VPS13A: variants seen among roughly 807,000 people sequenced by gnomAD.
VPS13A encodes the protein intermembrane lipid transfer protein VPS13A.
In VPS13A, 264 loss-of-function variants were observed where a neutral mutation model predicts 390.9. The observed-to-expected ratio is 0.68, with a 90% CI of 0.61 to 0.75. The LOEUF is 0.75. Among genes scored for constraint, VPS13A ranks in the 30% least tolerant of loss-of-function variants. VPS13A has a pLI of 0.00. For missense variants in VPS13A, 3,409 were observed against 3,733.9 expected, an observed-to-expected ratio of 0.91 and a Z score of 2.27; for synonymous variants, 1,231 against 1,227.1, an observed-to-expected ratio of 1.00 and a Z score of -0.07.
chr9:77,384,785 T>C, intron 68 of VPS13A: 1 of 1,507,162 alleles, frequency 6.6e-7, no homozygotes, highest in Non-Finnish European at 8.8e-7. Context: ...GTAAAACACA[T>C]TTTCTTTTAA....
In VPS13A at chr9:77,259,852, A is replaced by G. The variant is rs149033762; in HGVS notation, c.2289-234A>G. Reference sequence around the variant, plus strand: ...TTGATTAGTAGTAATTGTCAATTGTATATAGCAAACAGTAGAAGGACATTA... The same window carrying G: ...TTGATTAGTAGTAATTGTCAATTGTGTATAGCAAACAGTAGAAGGACATTA... On this transcript the variant is annotated intron_variant, in intron 22 of 71. Transcript: ENST00000360280. Among the ~76,000 whole-genome samples the G allele has an allele frequency of 6.0e-3, 910 of 152,342 alleles. 8 individuals are homozygous for G. Among genetic ancestry groups the G allele is most frequent in the African/African-American group, 0.021 (857 of 41,560 alleles).
At chr9:77,237,884 A>C (rs1824246424) in intron 17 of VPS13A, 118 bp from the exon 18 acceptor site, 3 of 716,884 alleles carry the variant, frequency 4.2e-6, no homozygotes, top group Non-Finnish European at 7.2e-6. Flanking sequence ...ATGGGAATGG[A>C]CTGGAGTCAG....
intron 1 of VPS13A, among the ~76,000 whole-genome samples, chr9:77,179,741 A>G (rs1418699569): frequency 6.7e-6 from 1 of 149,830 alleles, no homozygotes; most frequent in Non-Finnish European, 1.5e-5. Context: ...CACTCTTTTA[A>G]AATGTACAAT....
chr9:77,380,567 C>T (rs1587695429), intron 67 of VPS13A, among the ~76,000 whole-genome samples: 1 of 152,206 alleles, frequency 6.6e-6, no homozygotes, highest in East Asian at 1.9e-4. Flanking sequence ...GCCTCGGGCT[C>T]CCAAAGTGCT....
At chr9:77,349,799 A>G (rs1457127064) in intron 52 of VPS13A, among the ~76,000 whole-genome samples, 1 of 152,002 alleles carries the variant, frequency 6.6e-6, no homozygotes, top group African/African-American at 2.4e-5. Context: ...GCGCGCCACT[A>G]TGCCCGGCTA....
At chr9:77,278,222 C>A (rs903972967) in intron 26 of VPS13A, among the ~76,000 whole-genome samples, 1 of 150,212 alleles carries the variant, frequency 6.7e-6, no homozygotes, top group African/African-American at 2.4e-5. Context: ...AGGCGCCCGC[C>A]ACCACGCCCA....
chr9:77,276,310 A>G (rs952047373), intron 26 of VPS13A, 89 bp downstream of exon 26: 40 of 1,218,090 alleles, frequency 3.3e-5, no homozygotes, highest in Non-Finnish European at 4.4e-5. Context: ...GCTCTGAATC[A>G]GTACATTTGC....
chr9:77,394,326 C>G (rs1211254979), intron 68 of VPS13A, among the ~76,000 whole-genome samples: 1 of 152,050 alleles, frequency 6.6e-6, no homozygotes, highest in African/African-American at 2.4e-5. Context: ...CATGGCCTCC[C>G]AAAGTGCTGG....
At chr9:77,308,784 T>C (rs952714595) in intron 35 of VPS13A, among the ~76,000 whole-genome samples, 4 of 152,146 alleles carry the variant, frequency 2.6e-5, no homozygotes, top group African/African-American at 7.2e-5. Context: ...CAGACCTACC[T>C]ACCTCAAAAT....
chr9:77,254,011 C>T (rs1336317228), intron 22 of VPS13A, among the ~76,000 whole-genome samples: 76 of 133,998 alleles, frequency 5.7e-4, no homozygotes, highest in African/African-American at 1.8e-3. Context: ...GGCATGATCT[C>T]GGCTCACTGC....
At chr9:77,213,176 T>C (rs1590008722) in intron 8 of VPS13A, 58 bp from the exon 9 acceptor site, 2 of 1,565,458 alleles carry the variant, frequency 1.3e-6, no homozygotes, top group East Asian at 2.2e-5. Context: ...CTTCTGAAAA[T>C]AGTGTATGAT....
rs57841628 is a variant in VPS13A at position 77,341,691 on chromosome 9, C to CTTTTTTTTTTTTTTTTTTTTTTTT, written c.7026+1147_7026+1170dup. 1.0e-3 allele frequency among the ~76,000 whole-genome samples: 39 copies of CTTTTTTTTTTTTTTTTTTTTTTTT among 37,840 alleles called. 7 individuals are homozygous for CTTTTTTTTTTTTTTTTTTTTTTTT. Among genetic ancestry groups the CTTTTTTTTTTTTTTTTTTTTTTTT allele is most frequent in the Admixed American group, 1.3e-3 (3 of 2,264 alleles). 24.8% of individuals were successfully genotyped at this position (37,840 alleles called of 152,430 possible). On this transcript the variant is annotated intron_variant, in intron 50 of 71. Coordinates refer to ENST00000360280, the MANE Select transcript of VPS13A (RefSeq NM_033305.3). ...AGTAAGTTCTACATGGACATCTTTCCTTTTTTTTTTTTTTTTTTTTTTTTT... is the reference window on the plus strand; with the variant it reads ...AGTAAGTTCTACATGGACATCTTTCCTTTTTTTTTTTTTTTTTTTTTTTTTTTTTTTTTTTTTTTTTTTTTTTTT...
chr9:77,347,677 C>A (rs925081570), intron 52 of VPS13A, among the ~76,000 whole-genome samples: 6 of 152,034 alleles, frequency 3.9e-5, no homozygotes, highest in South Asian at 2.1e-4. Context: ...CTCTATATAT[C>A]TAGTCTTATC....
chr9:77,194,740 G>A (rs1393227302), intron 1 of VPS13A, among the ~76,000 whole-genome samples: 1 of 152,106 alleles, frequency 6.6e-6, no homozygotes, highest in Non-Finnish European at 1.5e-5. Context: ...GGAGCTCCCT[G>A]TAAGGTTCCC....
intron 67 of VPS13A, 51 bp downstream of exon 67, chr9:77,371,200 A>G: frequency 6.2e-7 from 1 of 1,611,424 alleles, no homozygotes; most frequent in Non-Finnish European, 8.5e-7. Flanking sequence ...AGCCATGAGA[A>G]ATGGAATTTA....
At chr9:77,283,306 C>G (rs1473216914) in intron 29 of VPS13A, 49 bp from the exon 30 acceptor site, 13 of 1,073,172 alleles carry the variant, frequency 1.2e-5, no homozygotes, top group Non-Finnish European at 1.7e-5. Flanking sequence ...AGTGAGGTAA[C>G]TACTAAATGT....
chr9:77,240,488 T>G (rs1269180935), intron 19 of VPS13A, among the ~76,000 whole-genome samples: 11 of 150,508 alleles, frequency 7.3e-5, no homozygotes, highest in East Asian at 1.9e-4. Flanking sequence ...GTTTTTTTTT[T>G]TTTTTTTTGA....
At chr9:77,351,104 G>T in intron 52 of VPS13A, 1 of 488,352 alleles carries the variant, frequency 2.0e-6, no homozygotes, top group Non-Finnish European at 3.6e-6. Context: ...TATTTCCTAA[G>T]TAGAACATGT....
chr9:77,354,246 T>G (rs535063219), intron 54 of VPS13A, among the ~76,000 whole-genome samples: 10 of 152,228 alleles, frequency 6.6e-5, no homozygotes, highest in African/African-American at 2.4e-4. Context: ...ATTAAATTCT[T>G]GAATATATAT....
Sources: allele counts gnomAD v4.1 joint callset (sites outside exome capture counted in the v4.1 genomes callset), GRCh38; gene constraint gnomAD v4.1.1; transcripts MANE v1.5; gene names NCBI Gene and HGNC (gene_info 2026-07-23, HGNC 2026-07-21).